Variants in ATP11A observed in about 807,000 individuals in gnomAD.
ATP11A encodes phospholipid-transporting ATPase IH.
In ATP11A, 81 loss-of-function variants were observed where a neutral mutation model predicts 154.4. The observed-to-expected ratio is 0.52, with a 90% CI of 0.44 to 0.63. The LOEUF is 0.63. Among genes scored for constraint, ATP11A ranks in the 30% least tolerant of loss-of-function variants. The pLI is 0.00. For missense variants in ATP11A, 1,316 were observed against 1,474.3 expected (o/e 0.89, Z 1.76); for synonymous variants, 623 against 585.9 (o/e 1.06, Z -0.91).
intron 1 of ATP11A, among the ~76,000 whole-genome samples, chr13:112,708,688 C>T (rs1217317554): frequency 2.0e-5 from 3 of 152,232 alleles, no homozygotes; most frequent in Non-Finnish European, 4.4e-5. Flanking sequence ...CTCGGCTTCC[C>T]TGGCTGTCAC....
At chr13:112,805,603 G>GA (rs2078298391) in intron 3 of ATP11A, among the ~76,000 whole-genome samples, 1 of 150,500 alleles carries the variant, frequency 6.6e-6, no homozygotes, top group Admixed American at 6.6e-5. Context: ...TTGATCCCAG[G>GA]AGTGGGAGGT....
intron 6 of ATP11A, among the ~76,000 whole-genome samples, chr13:112,818,578 G>T (rs536624744): frequency 6.6e-6 from 1 of 152,184 alleles, no homozygotes; most frequent in Non-Finnish European, 1.5e-5. Context: ...AGGCAGGGCC[G>T]GTGCAGCCCT....
At chr13:112,765,513 T>G (rs2077055517) in intron 1 of ATP11A, among the ~76,000 whole-genome samples, 1 of 152,206 alleles carries the variant, frequency 6.6e-6, no homozygotes, top group Non-Finnish European at 1.5e-5. Flanking sequence ...TGGTTAAGGT[T>G]AAGAAGCGGC....
In ATP11A at chr13:112,875,893, G is replaced by C. The variant is rs1347497050; in HGVS notation, c.3279G>C (p.Lys1093Asn). 6.2e-7 allele frequency: 1 copy of C among 1,613,524 alleles called. No individual in the cohort carries two copies. Among genetic ancestry groups the C allele is most frequent in the South Asian group, 1.1e-5 (1 of 91,088 alleles). ...VTISLLPDVL[K>N]KVLCRQLWPT... ...TCAGCCTCCTTCCCGACGTCCTCAA[G>C]AAAGTCCTGTGCCGGCAGCTGTGGC... Residue 1093 changes from lysine (K) to asparagine (N), a missense_variant, in exon 28 of 30, where the codon AAG becomes AAC. Physicochemically the swap from Lys to Asn is moderately conservative, Grantham distance 94 (BLOSUM62 0). This residue lies in a region of ATP11A where 294 missense variants were observed against 290.2 expected (regional missense o/e 1.01). Transcript: ENST00000375645. The surrounding 1 kb of genome is among the most constrained non-coding windows in gnomAD (Gnocchi z 4.1).
chr13:112,728,539 T>C (rs1164667659), intron 1 of ATP11A, among the ~76,000 whole-genome samples: 2 of 136,512 alleles, frequency 1.5e-5, no homozygotes, highest in East Asian at 2.4e-4. Context: ...GCCGTGAGAC[T>C]GTGTGGCCCG....
Position 112,885,829 on chromosome 13 carries a change from A to G in ATP11A, c.*3963A>G, listed in dbSNP as rs1362865985. ...CCCAGCCCATGCCTCCCTGGGATGA[A>G]GAGTCCCCCTCCTGGCAGAATGTCT... On this transcript the variant is annotated 3_prime_UTR_variant, in exon 30 of 30. Coordinates refer to ENST00000375645, the MANE Select transcript of ATP11A (RefSeq NM_015205.3). 1 of 152,304 alleles carries G rather than the reference A, an allele frequency of 6.6e-6. No homozygotes were observed. The allele number at this position is 152,304 out of a possible 1,614,324, so 9.4% of individuals were successfully genotyped here.
intron 12 of ATP11A, 111 bp from the exon 13 acceptor site, chr13:112,831,264 C>T: frequency 8.4e-7 from 1 of 1,192,402 alleles, no homozygotes; most frequent in Non-Finnish European, 1.2e-6. Flanking sequence ...AAATCCACCG[C>T]CTATTCAAGT....
intron 8 of ATP11A, among the ~76,000 whole-genome samples, chr13:112,821,723 A>C (rs990761973): frequency 2.6e-5 from 4 of 152,232 alleles, no homozygotes; most frequent in Admixed American, 2.0e-4. Context: ...CCAAATTCTC[A>C]ATCCATTCAG....
intron 9 of ATP11A, among the ~76,000 whole-genome samples, 155 bp from the exon 10 acceptor site, chr13:112,824,189 G>C (rs145831813): frequency 1.1e-3 from 172 of 152,264 alleles, no homozygotes; most frequent in African/African-American, 4.0e-3. Flanking sequence ...AAGGAATCAA[G>C]TGCTAGTGTT....
chr13:112,844,759 C>A (rs200548173), intron 17 of ATP11A, among the ~76,000 whole-genome samples: 1 of 102,022 alleles, frequency 9.8e-6, no homozygotes, highest in Admixed American at 1.0e-4. Context: ...GTCCAAGTGC[C>A]GGGCACTAGC....
chr13:112,862,440 G>A lies in ATP11A; in HGVS notation c.2856G>A (p.Arg952=), dbSNP rs555983731. The change falls in exon 25 of 30, where the codon AGG becomes AGA. Residue 952 remains arginine (R), a splice_region_variant and synonymous_variant. Transcript: ENST00000375645. Reference sequence around the variant, plus strand: ...CGCTGTGCACCTTTCTCCTCACCAGGGACGTCGCCAAGAATGCCCTGCTGC... The same window carrying A: ...CGCTGTGCACCTTTCTCCTCACCAGAGACGTCGCCAAGAATGCCCTGCTGC... The part of the protein sequence containing the change: ...DVLKRDPTLY[R]DVAKNALLRW... 2 of 1,613,612 alleles carry A rather than the reference G, an allele frequency of 1.2e-6. No individual in the cohort carries two copies. The highest frequency in any genetic ancestry group is 2.2e-5 in the South Asian group (2 of 91,038).
At chr13:112,823,003 C>T (rs73569029) in intron 8 of ATP11A, among the ~76,000 whole-genome samples, 1,571 of 152,220 alleles carry the variant, frequency 0.01, 26 homozygotes, top group African/African-American at 0.036. Context: ...GTGGGGCCAC[C>T]TCAGGGACCC....
chr13:112,880,058 G>A lies in ATP11A; in HGVS notation c.*9+1755G>A, dbSNP rs577058026. 1.8e-4 allele frequency among the ~76,000 whole-genome samples: 27 copies of A among 152,284 alleles called. No homozygotes were observed. In the East Asian group the frequency reaches 3.9e-3, roughly 22 times the overall value. ...GCAATTCCAAGCCCGCAGTTCTTCA[G>A]CTCCTGTGCTTCCCTTATTCCTTGA... On this transcript the variant is annotated intron_variant, in intron 29 of 29. Transcript: ENST00000375645.
At chr13:112,773,509 C>G (rs552206770) in intron 1 of ATP11A, among the ~76,000 whole-genome samples, 2 of 152,206 alleles carry the variant, frequency 1.3e-5, no homozygotes, top group Non-Finnish European at 2.9e-5. Flanking sequence ...TCCCCACTCT[C>G]CCTGCCCTCT....
intron 1 of ATP11A, among the ~76,000 whole-genome samples, chr13:112,758,597 G>A (rs1241368741): frequency 6.6e-6 from 1 of 151,520 alleles, no homozygotes; most frequent in East Asian, 2.0e-4. Context: ...CTAATTTTTT[G>A]TATTTTTAGT....
In ATP11A at chr13:112,875,499, T is replaced by G. The variant is rs542027277; in HGVS notation, c.3162-277T>G. The stretch of plus-strand genomic sequence containing the variant: ...CTTTGTGTTTTGTTTTTTGTTTTTT[T>G]TTTTTTTGCTTCTGTGAAACTGAAC... On this transcript the variant is annotated intron_variant, in intron 27 of 29. Coordinates refer to ENST00000375645, the MANE Select transcript of ATP11A (RefSeq NM_015205.3). The surrounding 1 kb of genome is among the most constrained non-coding windows in gnomAD (Gnocchi z 4.1). Among the ~76,000 whole-genome samples the G allele has an allele frequency of 7.7e-4, 117 of 151,988 alleles. 1 individual carries two copies. The highest frequency in any genetic ancestry group is 2.8e-3 in the African/African-American group (116 of 41,424).
intron 1 of ATP11A, among the ~76,000 whole-genome samples, chr13:112,718,446 A>G (rs1157989342): frequency 6.6e-6 from 1 of 152,128 alleles, no homozygotes; most frequent in East Asian, 1.9e-4. Flanking sequence ...CAAGAAGACA[A>G]CTGTGCCGCC....
rs1238103169 is a variant in ATP11A, at chr13:112,882,230, G to T, written c.*364G>T. 2.3e-6 allele frequency: 2 copies of T among 867,282 alleles called. No homozygotes were observed. Among genetic ancestry groups the T allele is most frequent in the Non-Finnish European group, 3.2e-6 (2 of 625,936 alleles). 53.7% of individuals were successfully genotyped at this position (867,282 alleles called of 1,614,324 possible). A position where few individuals can be genotyped will look rare whatever the true frequency, so the allele number is the denominator to read the frequency against. ...GTGGCCTCTGGGCATTCGGCTCAAC[G>T]CAGGAGGGACATTCTGCTGGCCCAC... On this transcript the variant is annotated 3_prime_UTR_variant, in exon 30 of 30. Transcript: ENST00000375645. This position sits in a 1 kb window ranked among gnomAD's most constrained non-coding sequence, Gnocchi z 5.1.
intron 1 of ATP11A, among the ~76,000 whole-genome samples, chr13:112,761,884 T>C (rs391107): frequency 0.27 from 41,776 of 152,066 alleles, 8,253 homozygotes; most frequent in African/African-American, 0.56. Context: ...CCAGGTTGCA[T>C]AGTGAACCTG....
Sources: allele counts gnomAD v4.1 joint callset (sites outside exome capture counted in the v4.1 genomes callset), GRCh38; gene constraint gnomAD v4.1.1; regional missense constraint gnomAD v4.1.1; non-coding constraint Gnocchi (gnomAD v3.1); transcripts MANE v1.5; gene names NCBI Gene and HGNC (gene_info 2026-07-23, HGNC 2026-07-21).